Variants in ATP8B4 observed in about 807,000 individuals in gnomAD.
ATP8B4 encodes ATPase phospholipid transporting 8B4 (putative), also known as probable phospholipid-transporting ATPase IM.
Under a neutral mutation model 145.6 loss-of-function variants are expected in ATP8B4, and 133 were observed. That is an observed-to-expected ratio of 0.91 (90% CI 0.79 to 1.05). The LOEUF is 1.05. Ranked by LOEUF, ATP8B4 falls within the 50% of genes least tolerant of loss-of-function variation. The pLI, the probability that ATP8B4 is intolerant of heterozygous loss-of-function variation, is 0.00. For missense variants in ATP8B4, 1,458 were observed against 1,425.2 expected (o/e 1.02, Z -0.37); for synonymous variants, 507 against 492.9 (o/e 1.03, Z -0.38).
At chr15:50,055,634 A>G (rs2052539247) in intron 3 of ATP8B4, among the ~76,000 whole-genome samples, 1 of 152,224 alleles carries the variant, frequency 6.6e-6, no homozygotes, top group Non-Finnish European at 1.5e-5. Context: ...GAAAACATCT[A>G]GCCCTTCTTG....
At chr15:50,042,266 A>T (rs999964947) in intron 5 of ATP8B4, among the ~76,000 whole-genome samples, 1 of 152,192 alleles carries the variant, frequency 6.6e-6, no homozygotes, top group Non-Finnish European at 1.5e-5. Context: ...TGTATTCTTT[A>T]AAAAATGATA....
At chr15:49,906,420 G>A (rs781278358) in intron 20 of ATP8B4, among the ~76,000 whole-genome samples, 1 of 152,194 alleles carries the variant, frequency 6.6e-6, no homozygotes, top group African/African-American at 2.4e-5. Context: ...CGTAATGACA[G>A]TTGTGTCATC....
At chr15:50,137,082 T>G (rs748604341) in intron 1 of ATP8B4, among the ~76,000 whole-genome samples, 7 of 152,186 alleles carry the variant, frequency 4.6e-5, no homozygotes, top group Non-Finnish European at 1.0e-4. Context: ...CTACAATGCA[T>G]CAAGCACTGT....
At chr15:50,103,382 T>C (rs775535784) in intron 2 of ATP8B4, among the ~76,000 whole-genome samples, 1 of 152,120 alleles carries the variant, frequency 6.6e-6, no homozygotes, top group African/African-American at 2.4e-5. Flanking sequence ...AAACGGTAAA[T>C]GAATTCATCA....
intron 5 of ATP8B4, among the ~76,000 whole-genome samples, chr15:50,041,259 G>A (rs1401077300): frequency 6.6e-6 from 1 of 152,176 alleles, no homozygotes; most frequent in Non-Finnish European, 1.5e-5. Flanking sequence ...AATGATTGTT[G>A]AAATTTCCTC....
intron 6 of ATP8B4, chr15:50,019,125 T>C (rs539500342): frequency 6.1e-5 from 27 of 441,144 alleles, no homozygotes; most frequent in Non-Finnish European, 1.0e-4. Context: ...ATCTTGACAC[T>C]TGCAGAAACC....
At chr15:50,066,941 A>T (rs760046820) in intron 3 of ATP8B4, among the ~76,000 whole-genome samples, 2 of 152,102 alleles carry the variant, frequency 1.3e-5, no homozygotes, top group Non-Finnish European at 2.9e-5. Flanking sequence ...CCATTAGACC[A>T]GTTCACCACT....
chr15:50,086,060 T>C (rs1489517438), intron 2 of ATP8B4, among the ~76,000 whole-genome samples: 1 of 110,386 alleles, frequency 9.1e-6, no homozygotes, highest in East Asian at 2.6e-4. Context: ...GATCTATATA[T>C]ATTATATATA....
intron 13 of ATP8B4, among the ~76,000 whole-genome samples, chr15:49,969,075 A>T (rs1385885645): frequency 6.6e-6 from 1 of 152,230 alleles, no homozygotes; most frequent in Non-Finnish European, 1.5e-5. Context: ...TTTGAAACCA[A>T]TGAGAACAAA....
intron 23 of ATP8B4, among the ~76,000 whole-genome samples, chr15:49,883,972 T>C (rs2035834043): frequency 6.6e-6 from 1 of 152,206 alleles, no homozygotes; most frequent in South Asian, 2.1e-4. Flanking sequence ...ATGCAGATGA[T>C]ATAGAACCCA....
intron 8 of ATP8B4, among the ~76,000 whole-genome samples, chr15:49,998,276 A>T (rs567484237): frequency 2.4e-4 from 37 of 152,282 alleles, no homozygotes; most frequent in African/African-American, 8.9e-4. Context: ...GGCTGAGTCA[A>T]ATGGTATTTC....
intron 14 of ATP8B4, among the ~76,000 whole-genome samples, chr15:49,959,479 T>A (rs1329141318): frequency 6.6e-6 from 1 of 151,986 alleles, no homozygotes; most frequent in African/African-American, 2.4e-5. Flanking sequence ...TGCAATTAGA[T>A]AAGAAAAATA....
In ATP8B4 at chr15:49,862,321, G is replaced by A. The variant is rs1289820912; in HGVS notation, c.3221C>T (p.Thr1074Ile). The change falls in exon 27 of 28, where the codon ACA (threonine) becomes ATA (isoleucine). Residue 1074 changes from threonine (T) to isoleucine (I), a missense_variant. Transcript: ENST00000284509. Reference protein sequence around the residue: ...QKCIWLVILLTTVASVMPVVA... With the variant: ...QKCIWLVILLITVASVMPVVA... The stretch of plus-strand genomic sequence containing the variant: ...CACTGGCATAACTGAAGCCACTGTT[G>A]TTAAGAGAATTACAAGCCAGATGCA... The A allele has an allele frequency of 6.2e-6, 10 of 1,613,832 alleles. No individual in the cohort carries two copies. In the East Asian group the frequency reaches 2.0e-4, roughly 32 times the overall value.
At chr15:50,164,539 A>G (rs1567414677) in intron 1 of ATP8B4, among the ~76,000 whole-genome samples, 1 of 151,998 alleles carries the variant, frequency 6.6e-6, no homozygotes. Context: ...CTCCTCAAAC[A>G]ATCTCTCTAC....
At chr15:50,109,938 AG>A (rs944985565) in intron 1 of ATP8B4, among the ~76,000 whole-genome samples, 1 of 152,184 alleles carries the variant, frequency 6.6e-6, no homozygotes, top group Non-Finnish European at 1.5e-5. Flanking sequence ...TCAAACATAA[AG>A]CAATGTCATA....
chr15:49,912,837 G>A (rs552819499), intron 20 of ATP8B4, among the ~76,000 whole-genome samples: 11 of 152,006 alleles, frequency 7.2e-5, no homozygotes, highest in African/African-American at 1.9e-4. Context: ...TTGTTTTGCC[G>A]TGTTTCCCAG....
At chr15:50,159,009 C>G (rs909444698) in intron 1 of ATP8B4, among the ~76,000 whole-genome samples, 2 of 152,212 alleles carry the variant, frequency 1.3e-5, no homozygotes, top group Non-Finnish European at 2.9e-5. Context: ...CCAGAGACCT[C>G]TGTTCACTTG....
intron 2 of ATP8B4, among the ~76,000 whole-genome samples, chr15:50,093,952 T>A (rs967457399): frequency 2.0e-5 from 3 of 152,154 alleles, no homozygotes; most frequent in African/African-American, 7.2e-5. Context: ...TCTAAATTTG[T>A]ATGCATCCAA....
At chr15:50,169,083 C>T (rs917807417) in intron 1 of ATP8B4, among the ~76,000 whole-genome samples, 1 of 152,202 alleles carries the variant, frequency 6.6e-6, no homozygotes, top group Non-Finnish European at 1.5e-5. Flanking sequence ...ATCTGATGGT[C>T]CTTCCCTATC....
Sources: gnomAD v4.1 joint callset for allele counts (sites outside exome capture counted in the v4.1 genomes callset) on GRCh38, gnomAD v4.1.1 for gene constraint, MANE v1.5 for transcripts, NCBI Gene and HGNC (gene_info 2026-07-23, HGNC 2026-07-21) for gene names.